SERPINB12: variants seen among roughly 807,000 people sequenced by gnomAD.
The protein encoded by SERPINB12 is serpin B12.
A neutral mutation model predicts 41.1 loss-of-function variants in SERPINB12; 57 were observed. That is an observed-to-expected ratio of 1.39 (90% CI 1.12 to 1.73). The LOEUF is 1.73. Among genes scored for constraint, SERPINB12 ranks in the 40% most tolerant of loss-of-function variants. The pLI, the probability that SERPINB12 is intolerant of heterozygous loss-of-function variation, is 0.00. For missense variants in SERPINB12, 536 were observed against 501.9 expected, an observed-to-expected ratio of 1.07 and a Z score of -0.65; for synonymous variants, 180 against 181.3, an observed-to-expected ratio of 0.99 and a Z score of 0.06.
chr18:63,520,583 A>G, the SERPINB12 span, among the ~76,000 whole-genome samples: 5 of 152,172 alleles, frequency 3.3e-5, no homozygotes, highest in African/African-American at 1.2e-4. Context: ...ACTCAGTAGG[A>G]GAAAGAAAAG....
intron 2 of SERPINB12, among the ~76,000 whole-genome samples, chr18:63,556,913 T>G (rs1434527712): frequency 6.6e-6 from 1 of 152,234 alleles, no homozygotes; most frequent in Admixed American, 6.5e-5. Flanking sequence ...AGCAACTTCC[T>G]GATGGGCTTT....
rs1180313267 is a variant in SERPINB12 at position 63,568,565 on chromosome 18, G to C, written c.*1554G>C. 6.6e-6 allele frequency among the ~76,000 whole-genome samples: 1 copy of C among 152,120 alleles called. No individual in the cohort carries two copies. The highest frequency in any genetic ancestry group is 1.5e-5 in the Non-Finnish European group (1 of 68,020). ...TGAGTTCCTAATTTCTATCTTAGCTGAATGTTCTGCCATGACCACTGACAC... is the reference window on the plus strand; with the variant it reads ...TGAGTTCCTAATTTCTATCTTAGCTCAATGTTCTGCCATGACCACTGACAC... On this transcript the variant is annotated 3_prime_UTR_variant, in exon 8 of 8. Transcript: ENST00000382768.
intron 3 of SERPINB12, 36 bp from the exon 4 acceptor site, chr18:63,559,542 A>G: frequency 6.2e-7 from 1 of 1,610,814 alleles, no homozygotes; most frequent in African/African-American, 1.3e-5. Context: ...TCTGATAGAC[A>G]CAGTGAAGGT....
At chr18:63,543,805 T>C (rs767317313) in intron 1 of SERPINB12, among the ~76,000 whole-genome samples, 15 of 152,006 alleles carry the variant, frequency 9.9e-5, no homozygotes, top group Non-Finnish European at 2.2e-4. Flanking sequence ...TTAGTAGAGA[T>C]GAGGTTTTGC....
At chr18:63,563,058 C>T (rs1231419259) in intron 5 of SERPINB12, among the ~76,000 whole-genome samples, 1 of 152,298 alleles carries the variant, frequency 6.6e-6, no homozygotes, top group African/African-American at 2.4e-5. Flanking sequence ...CTTACTGCTT[C>T]TTGGCTGTGT....
chr18:63,561,290 T>C, intron 5 of SERPINB12, 88 bp downstream of exon 5: 1 of 764,162 alleles, frequency 1.3e-6, no homozygotes, highest in Non-Finnish European at 2.3e-6. Context: ...GCTGGTCTAC[T>C]GGGGGCCAGA....
chr18:63,568,352 G>T lies in SERPINB12; in HGVS notation c.*1341G>T, dbSNP rs1335127024. Reference sequence around the variant, plus strand: ...GCTGAGATGGCGCCACTGCACTCCAGCCTGGGTGACAGAGCGAAACCCTGT... The same window carrying T: ...GCTGAGATGGCGCCACTGCACTCCATCCTGGGTGACAGAGCGAAACCCTGT... On this transcript the variant is annotated 3_prime_UTR_variant, in exon 8 of 8. Transcript: ENST00000382768. 1.3e-5 allele frequency among the ~76,000 whole-genome samples: 2 copies of T among 152,150 alleles called. No homozygotes were observed. The highest frequency in any genetic ancestry group is 2.9e-5 in the Non-Finnish European group (2 of 68,022).
intron 1 of SERPINB12, 93 bp from the exon 2 acceptor site, chr18:63,556,049 A>C (rs975592852): frequency 2.5e-5 from 22 of 892,518 alleles, no homozygotes; most frequent in Non-Finnish European, 3.7e-5. Context: ...ATAATTGTGC[A>C]TGATTGTATT....
chr18:63,556,437 G>T (rs981604881), intron 2 of SERPINB12, 110 bp downstream of exon 2: 1 of 873,184 alleles, frequency 1.1e-6, no homozygotes, highest in Admixed American at 2.5e-5. Flanking sequence ...CCCTGGGCTT[G>T]GTCAGAACCC....
chr18:63,534,606 C>CT, the SERPINB12 span, among the ~76,000 whole-genome samples: 144 of 152,080 alleles, frequency 9.5e-4, no homozygotes, highest in Non-Finnish European at 1.5e-3. Context: ...AATTCACAAA[C>CT]TTTTTTTTCT....
chr18:63,564,049 T>C lies in SERPINB12; in HGVS notation c.634T>C (p.Tyr212His). The C allele has an allele frequency of 6.2e-7, 1 of 1,614,166 alleles. No homozygotes were observed. Among genetic ancestry groups the C allele is most frequent in the African/African-American group, 1.3e-5 (1 of 75,050 alleles). ...TGTGCTGGTACTGGTGAATGCTGTT[T>C]ACTTCAAGGCCAAATGGGAAACATA... ...ETVLVLVNAVYFKAKWETYFD... is the reference protein window; with the variant it reads ...ETVLVLVNAVHFKAKWETYFD... The change falls in exon 6 of 8, where the codon TAC (tyrosine) becomes CAC (histidine). Residue 212 changes from tyrosine to histidine, a missense_variant. Transcript: ENST00000382768.
chr18:63,566,461 A>G (rs1449340467), intron 7 of SERPINB12, 146 bp from the exon 8 acceptor site: 16 of 730,932 alleles, frequency 2.2e-5, no homozygotes, highest in Non-Finnish European at 3.6e-5. Flanking sequence ...TGAAGTTTTA[A>G]ATGAAATCAG....
chr18:63,527,757 G>A, the SERPINB12 span, among the ~76,000 whole-genome samples: 1 of 152,144 alleles, frequency 6.6e-6, no homozygotes, highest in Non-Finnish European at 1.5e-5. Context: ...AAGTTTTTAA[G>A]AAAGGCAATT....
At chr18:63,539,621 C>G (rs538496596), upstream of SERPINB12, among the ~76,000 whole-genome samples, 5 of 152,130 alleles carry the variant, frequency 3.3e-5, no homozygotes, top group South Asian at 2.1e-4. Flanking sequence ...CAAAACAAAA[C>G]AAAAGCAACA....
At chr18:63,524,991 C>T in the SERPINB12 span, among the ~76,000 whole-genome samples, 1 of 152,016 alleles carries the variant, frequency 6.6e-6, no homozygotes, top group Non-Finnish European at 1.5e-5. Flanking sequence ...CTCAGGTGAT[C>T]TACCAGTCTC....
chr18:63,554,218 C>G (rs1025648935), intron 1 of SERPINB12, among the ~76,000 whole-genome samples: 11 of 152,146 alleles, frequency 7.2e-5, no homozygotes, highest in African/African-American at 2.4e-4. Flanking sequence ...ACGATAGATA[C>G]AGTAGAAAGA....
At chr18:63,519,967 GT>G in the SERPINB12 span, among the ~76,000 whole-genome samples, 1 of 152,134 alleles carries the variant, frequency 6.6e-6, no homozygotes, top group South Asian at 2.1e-4. Flanking sequence ...TGGATGCCCT[GT>G]CTTGGTGCCT....
chr18:63,545,331 G>T (rs180720768), intron 1 of SERPINB12, among the ~76,000 whole-genome samples: 2 of 151,882 alleles, frequency 1.3e-5, no homozygotes, highest in Non-Finnish European at 2.9e-5. Flanking sequence ...AGAGAGGCTC[G>T]CTTTCTTCAG....
Position 63,558,399 on chromosome 18 carries a change from C to A in SERPINB12, c.216C>A (p.Asp72Glu). The change falls in exon 3 of 8, where the codon GAC becomes GAA. Residue 72 changes from aspartate (D) to glutamate (E), a missense_variant. Coordinates refer to ENST00000382768, the MANE Select transcript of SERPINB12 (RefSeq NM_001307928.2). ...EFSQNESKEP[D>E]PCLKSNKQKV... ...CCCAGAATGAAAGCAAAGAACCTGA[C>A]CCTTGTCTGAAAAGCAACAAACAAA... 6.2e-7 allele frequency: 1 copy of A among 1,613,888 alleles called. No individual in the cohort carries two copies. Among genetic ancestry groups the A allele is most frequent in the South Asian group, 1.1e-5 (1 of 91,040 alleles).
Sources: allele counts gnomAD v4.1 joint callset (sites outside exome capture counted in the v4.1 genomes callset), GRCh38; gene constraint gnomAD v4.1.1; transcripts MANE v1.5; gene names NCBI Gene and HGNC (gene_info 2026-07-23, HGNC 2026-07-21).